The following ARHGAP42 variants were observed in gnomAD, a reference collection of about 807,000 sequenced individuals.
The protein encoded by ARHGAP42 is Rho GTPase activating protein 42.
In ARHGAP42, 63 loss-of-function variants were observed where a neutral mutation model predicts 125.0. The ratio of observed to expected loss-of-function variants is 0.50; its 90% CI spans 0.41 to 0.62. The LOEUF (loss-of-function observed/expected upper bound fraction) is 0.62, where lower values mean the gene tolerates loss of function less well. Among genes scored for constraint, ARHGAP42 ranks in the 20% least tolerant of loss-of-function variants. The pLI, the probability that ARHGAP42 is intolerant of heterozygous loss-of-function variation, is 0.00. For synonymous variants in ARHGAP42, 339 were observed against 351.0 expected (o/e 0.97, Z 0.38); for missense variants, 766 against 1,024.2 (o/e 0.75, Z 3.44).
At chr11:100,720,043 A>G (rs769495457) in intron 1 of ARHGAP42, among the ~76,000 whole-genome samples, 4 of 152,110 alleles carry the variant, frequency 2.6e-5, no homozygotes, top group South Asian at 4.1e-4. Context: ...AGCTTTTACC[A>G]TTGTTGCTTT....
intron 3 of ARHGAP42, among the ~76,000 whole-genome samples, chr11:100,825,561 G>A (rs1344531384): frequency 1.3e-5 from 2 of 152,170 alleles, no homozygotes; most frequent in Non-Finnish European, 2.9e-5. Flanking sequence ...TTTGGATATT[G>A]GCATCTGGCT....
At chr11:100,865,760 A>T (rs1430623063) in intron 4 of ARHGAP42, among the ~76,000 whole-genome samples, 1 of 152,206 alleles carries the variant, frequency 6.6e-6, no homozygotes, top group Admixed American at 6.5e-5. Context: ...TATTAAAAAT[A>T]TTTTATTACT....
In ARHGAP42 at chr11:100,921,509, G is replaced by T. The variant is rs1367262487; in HGVS notation, c.502G>T (p.Asp168Tyr). Residue 168 changes from aspartate to tyrosine, a missense_variant, in exon 6 of 24, where the codon GAC becomes TAC. Coordinates refer to ENST00000298815, the MANE Select transcript of ARHGAP42 (RefSeq NM_152432.4). The stretch of plus-strand genomic sequence containing the variant: ...TTCTCTTTAGGCAGATACACAAATT[G>T]ACCGAGAACATCAGAACTTCTATGA... Reference protein sequence around the residue: ...SHLQEADTQIDREHQNFYEAS... With the variant: ...SHLQEADTQIYREHQNFYEAS... 1 of 1,545,488 alleles carries T rather than the reference G, an allele frequency of 6.5e-7. No individual in the cohort carries two copies. Among genetic ancestry groups the T allele is most frequent in the South Asian group, 1.2e-5 (1 of 83,072 alleles).
chr11:100,770,551 A>C (rs541174800), intron 2 of ARHGAP42, 113 bp downstream of exon 2: 1 of 808,032 alleles, frequency 1.2e-6, no homozygotes, highest in Non-Finnish European at 1.8e-6. Context: ...TGACAATACT[A>C]TAAGAGTGAT....
intron 2 of ARHGAP42, among the ~76,000 whole-genome samples, chr11:100,794,669 A>G (rs914175745): frequency 1.3e-5 from 2 of 152,206 alleles, no homozygotes; most frequent in African/African-American, 4.8e-5. Context: ...ATTTTGCATT[A>G]CTGGCTGCTA....
rs373635029 is a variant in ARHGAP42, at chr11:100,692,416, G to A, written c.154+4584G>A. 4.6e-5 allele frequency among the ~76,000 whole-genome samples: 7 copies of A among 152,216 alleles called. No homozygotes were observed. In the East Asian group the frequency reaches 9.6e-4, roughly 21 times the overall value. On this transcript the variant is annotated intron_variant, in intron 1 of 23. Coordinates refer to ENST00000298815, the MANE Select transcript of ARHGAP42 (RefSeq NM_152432.4). ...GTCAGCAACATTTAGTTAATCTAATGGATGATGTTATTGTGCTGAAGCTCA... is the reference window on the plus strand; with the variant it reads ...GTCAGCAACATTTAGTTAATCTAATAGATGATGTTATTGTGCTGAAGCTCA...
At chr11:100,704,868 C>T (rs1258426595) in intron 1 of ARHGAP42, among the ~76,000 whole-genome samples, 1 of 122 alleles carries the variant, frequency 8.2e-3, no homozygotes, top group African/African-American at 0.05. Context: ...TCCTAGCTAC[C>T]CAAGGAGGCT....
chr11:100,829,311 G>A (rs111602411), intron 3 of ARHGAP42, among the ~76,000 whole-genome samples: 42,430 of 151,034 alleles, frequency 0.28, 6,296 homozygotes, highest in Non-Finnish European at 0.32. Context: ...AGCGAGCTAG[G>A]ATCATGCCAC....
At chr11:100,748,040 T>C (rs1241957136) in intron 1 of ARHGAP42, among the ~76,000 whole-genome samples, 1 of 149,740 alleles carries the variant, frequency 6.7e-6, no homozygotes, top group East Asian at 2.1e-4. Context: ...ACTTCTGTCA[T>C]GTCTGTGTAC....
intron 4 of ARHGAP42, among the ~76,000 whole-genome samples, chr11:100,906,308 T>A (rs1216113860): frequency 1.3e-5 from 2 of 152,324 alleles, no homozygotes; most frequent in Non-Finnish European, 2.9e-5. Context: ...CCTGGATTGA[T>A]AATTTAACTA....
chr11:100,843,317 G>A (rs1036983725), intron 3 of ARHGAP42, among the ~76,000 whole-genome samples: 1 of 151,830 alleles, frequency 6.6e-6, no homozygotes, highest in African/African-American at 2.4e-5. Context: ...GGTTGAAATG[G>A]TAATAAAAAA....
At chr11:100,698,045 C>T (rs2120190228) in intron 1 of ARHGAP42, among the ~76,000 whole-genome samples, 1 of 152,254 alleles carries the variant, frequency 6.6e-6, no homozygotes, top group African/African-American at 2.4e-5. Flanking sequence ...TATTTTAAAA[C>T]ATTTTTAAAT....
chr11:100,922,527 G>T (rs1858367526), intron 6 of ARHGAP42, among the ~76,000 whole-genome samples: 1 of 152,072 alleles, frequency 6.6e-6, no homozygotes, highest in Admixed American at 6.6e-5. Flanking sequence ...AGAGGATAGG[G>T]TTAATAAATG....
At chr11:100,758,520 G>A (rs1357303531) in intron 1 of ARHGAP42, among the ~76,000 whole-genome samples, 1 of 152,086 alleles carries the variant, frequency 6.6e-6, no homozygotes, top group East Asian at 1.9e-4. Flanking sequence ...TTTTTTCCTT[G>A]ACTGGCAGGC....
intron 1 of ARHGAP42, among the ~76,000 whole-genome samples, chr11:100,758,825 C>T (rs1343950417): frequency 6.6e-6 from 1 of 152,050 alleles, no homozygotes; most frequent in Non-Finnish European, 1.5e-5. Context: ...GCTTAAGTAA[C>T]CTAACTTGGC....
chr11:100,845,909 A>C (rs554491375), intron 3 of ARHGAP42, among the ~76,000 whole-genome samples: 2 of 152,282 alleles, frequency 1.3e-5, no homozygotes, highest in East Asian at 3.9e-4. Flanking sequence ...GCGGAGGCTA[A>C]CAAGGCCTCA....
chr11:100,763,451 G>T (rs1340232369), intron 1 of ARHGAP42, among the ~76,000 whole-genome samples: 5 of 152,130 alleles, frequency 3.3e-5, no homozygotes, highest in Non-Finnish European at 5.9e-5. Flanking sequence ...TGTGGCATTA[G>T]AAAGTAGAGG....
intron 4 of ARHGAP42, among the ~76,000 whole-genome samples, chr11:100,867,253 C>T (rs1074544): frequency 0.1 from 15,536 of 152,262 alleles, 821 homozygotes; most frequent in Non-Finnish European, 0.12. Context: ...GCTTTGAAGC[C>T]AAACATTGAC....
intron 4 of ARHGAP42, among the ~76,000 whole-genome samples, chr11:100,879,791 C>T (rs1865912447): frequency 6.6e-6 from 1 of 152,146 alleles, no homozygotes; most frequent in Admixed American, 6.5e-5. Context: ...TAGTTTTCCT[C>T]TTTGATCATT....
Sources: gnomAD v4.1 joint callset for allele counts (sites outside exome capture counted in the v4.1 genomes callset) on GRCh38, gnomAD v4.1.1 for gene constraint, MANE v1.5 for transcripts, NCBI Gene and HGNC (gene_info 2026-07-23, HGNC 2026-07-21) for gene names.